Variants in TBL1XR1 observed in about 807,000 individuals in gnomAD.
TBL1XR1 encodes F-box-like/WD repeat-containing protein TBL1XR1.
A neutral mutation model predicts 66.9 loss-of-function variants in TBL1XR1; 5 were observed. The ratio of observed to expected loss-of-function variants is 0.07; its 90% CI spans 0.04 to 0.16. The LOEUF (loss-of-function observed/expected upper bound fraction) is 0.16, where lower values mean the gene tolerates loss of function less well. Ranked by LOEUF, TBL1XR1 falls within the 10% of genes least tolerant of loss-of-function variation. The probability of loss-of-function intolerance (pLI) is 1.00; values close to 1 mark genes in which losing one functional copy is unlikely to be tolerated. For missense variants in TBL1XR1, 238 were observed against 623.2 expected, an observed-to-expected ratio of 0.38 and a Z score of 6.58; for synonymous variants, 210 against 206.0, an observed-to-expected ratio of 1.02 and a Z score of -0.17.
chr3:177,104,385 A>G (rs967854382), intron 1 of TBL1XR1, among the ~76,000 whole-genome samples: 3 of 152,220 alleles, frequency 2.0e-5, no homozygotes, highest in African/African-American at 7.2e-5. Context: ...TTAGTATGTT[A>G]TCTCCAACAA....
intron 1 of TBL1XR1, among the ~76,000 whole-genome samples, chr3:177,112,107 A>ATATATT: frequency 9.0e-4 from 34 of 37,646 alleles, no homozygotes; most frequent in East Asian, 1.8e-3. Context: ...ATATATATAT[A>ATATATT]TTTTTTTTTT....
intron 2 of TBL1XR1, among the ~76,000 whole-genome samples, chr3:177,080,848 G>A (rs1035973272): frequency 6.6e-6 from 1 of 152,126 alleles, no homozygotes; most frequent in Admixed American, 6.6e-5. Flanking sequence ...TAAGTTCAAA[G>A]ATCAGCTGAT....
intron 1 of TBL1XR1, among the ~76,000 whole-genome samples, chr3:177,174,578 G>A (rs992344774): frequency 6.6e-6 from 1 of 151,956 alleles, no homozygotes; most frequent in African/African-American, 2.4e-5. Context: ...CTGTTCCCCA[G>A]AAAAAGAGGA....
At chr3:177,144,010 G>A (rs985338068) in intron 1 of TBL1XR1, among the ~76,000 whole-genome samples, 1 of 152,036 alleles carries the variant, frequency 6.6e-6, no homozygotes, top group Non-Finnish European at 1.5e-5. Context: ...CCAGCACTTT[G>A]GGAGGCAGGC....
At chr3:177,037,561 A>G (rs1714982416) in intron 12 of TBL1XR1, 1 of 152,928 alleles carries the variant, frequency 6.5e-6, no homozygotes. Flanking sequence ...AAAACCGCCA[A>G]GGAAGCAAGA....
At chr3:177,109,861 C>G (rs1303876673) in intron 1 of TBL1XR1, among the ~76,000 whole-genome samples, 2 of 152,044 alleles carry the variant, frequency 1.3e-5, no homozygotes, top group Non-Finnish European at 1.5e-5. Context: ...AATTGAGAGA[C>G]AGCAAGATAC....
intron 14 of TBL1XR1, among the ~76,000 whole-genome samples, chr3:177,030,451 T>C (rs1188114259): frequency 6.6e-6 from 1 of 152,108 alleles, no homozygotes; most frequent in Non-Finnish European, 1.5e-5. Context: ...ACAGCATGAT[T>C]AATTACAATT....
chr3:177,042,848 A>T (rs1159150502), intron 10 of TBL1XR1, among the ~76,000 whole-genome samples: 1 of 152,070 alleles, frequency 6.6e-6, no homozygotes, highest in African/African-American at 2.4e-5. Flanking sequence ...TAGCCTCCAT[A>T]ATTTTAAAAG....
At chr3:177,170,495 C>T (rs908671677) in intron 1 of TBL1XR1, among the ~76,000 whole-genome samples, 1 of 152,180 alleles carries the variant, frequency 6.6e-6, no homozygotes, top group African/African-American at 2.4e-5. Context: ...CTAAAAACAG[C>T]CTGTATTATG....
chr3:177,133,229 G>C (rs1196009803), intron 1 of TBL1XR1, among the ~76,000 whole-genome samples: 1 of 152,220 alleles, frequency 6.6e-6, no homozygotes, highest in Non-Finnish European at 1.5e-5. Context: ...AGAGGCTGCA[G>C]TGAGCTAAGA....
intron 5 of TBL1XR1, 74 bp from the exon 6 acceptor site, chr3:177,050,684 T>C: frequency 6.5e-7 from 1 of 1,532,792 alleles, no homozygotes; most frequent in Non-Finnish European, 9.0e-7. Context: ...ATTTCTTAAC[T>C]AGCAAATACC....
intron 2 of TBL1XR1, among the ~76,000 whole-genome samples, chr3:177,082,446 A>G (rs1348886209): frequency 1.3e-5 from 2 of 151,772 alleles, no homozygotes; most frequent in Non-Finnish European, 2.9e-5. Flanking sequence ...TTTGATACTA[A>G]TATTTACTTT....
intron 2 of TBL1XR1, among the ~76,000 whole-genome samples, chr3:177,086,171 G>T (rs927646498): frequency 2.0e-5 from 3 of 150,428 alleles, no homozygotes; most frequent in African/African-American, 7.4e-5. Context: ...AAGTTAAAAA[G>T]AAACAGGCAG....
intron 1 of TBL1XR1, among the ~76,000 whole-genome samples, chr3:177,192,398 C>CA (rs759331999): frequency 0.092 from 7,702 of 83,304 alleles, 623 homozygotes; most frequent in African/African-American, 0.26. Context: ...GACTTTATCT[C>CA]AAAAAAAAAA....
At position 177,021,770 on chromosome 3, in the gene TBL1XR1, G is replaced by A. The variant is rs1379193615; in HGVS notation, c.*3728C>T. 1.3e-5 allele frequency: 2 copies of A among 152,604 alleles called. No individual in the cohort carries two copies. Among genetic ancestry groups the A allele is most frequent in the Non-Finnish European group, 2.9e-5 (2 of 67,998 alleles). The allele number at this position is 152,604 out of a possible 1,614,324, so 9.5% of individuals were successfully genotyped here. On this transcript the variant is annotated 3_prime_UTR_variant, in exon 16 of 16. Coordinates refer to ENST00000457928, the MANE Select transcript of TBL1XR1 (RefSeq NM_024665.7). ...TGCCATGCCACAATGTTGGTCCACTGAAATAGGATTTCTGCGGAAACTGTC... is the reference window on the plus strand; with the variant it reads ...TGCCATGCCACAATGTTGGTCCACTAAAATAGGATTTCTGCGGAAACTGTC...
chr3:177,113,465 G>A (rs888810267), intron 1 of TBL1XR1, among the ~76,000 whole-genome samples: 1 of 152,106 alleles, frequency 6.6e-6, no homozygotes, highest in Non-Finnish European at 1.5e-5. Flanking sequence ...TGCAAATTAT[G>A]TATCTGACAA....
intron 1 of TBL1XR1, among the ~76,000 whole-genome samples, chr3:177,163,587 A>C (rs1276306448): frequency 6.6e-6 from 1 of 152,186 alleles, no homozygotes; most frequent in Non-Finnish European, 1.5e-5. Context: ...AAAACACATC[A>C]AAGTGACTAG....
chr3:177,165,412 T>C (rs1256224607), intron 1 of TBL1XR1, among the ~76,000 whole-genome samples: 1 of 152,218 alleles, frequency 6.6e-6, no homozygotes, highest in Non-Finnish European at 1.5e-5. Context: ...AAGATGTCAT[T>C]TCTTCCCAAC....
chr3:177,067,757 G>A (rs1719359932), intron 2 of TBL1XR1, among the ~76,000 whole-genome samples: 1 of 151,998 alleles, frequency 6.6e-6, no homozygotes, highest in South Asian at 2.1e-4. Context: ...CAACTTAAAA[G>A]CCTATGTGCC....
Sources: allele counts gnomAD v4.1 joint callset (sites outside exome capture counted in the v4.1 genomes callset), GRCh38; gene constraint gnomAD v4.1.1; transcripts MANE v1.5; gene names NCBI Gene and HGNC (gene_info 2026-07-23, HGNC 2026-07-21).